PTPRT: variants seen among roughly 807,000 people sequenced by gnomAD.
PTPRT encodes the protein protein tyrosine phosphatase receptor type T.
Under a neutral mutation model 176.8 loss-of-function variants are expected in PTPRT, and 56 were observed. The ratio of observed to expected loss-of-function variants is 0.32; its 90% CI spans 0.26 to 0.40. The LOEUF is 0.40. Among genes scored for constraint, PTPRT ranks in the 10% least tolerant of loss-of-function variants. The pLI is 1.00. For missense variants in PTPRT, 1,540 were observed against 1,908.2 expected, an observed-to-expected ratio of 0.81 and a Z score of 3.60; for synonymous variants, 783 against 739.0, an observed-to-expected ratio of 1.06 and a Z score of -0.96.
At chr20:42,424,492 G>C (rs1422430018) in intron 9 of PTPRT, among the ~76,000 whole-genome samples, 1 of 152,154 alleles carries the variant, frequency 6.6e-6, no homozygotes. Flanking sequence ...ACTTGTCTGA[G>C]GGGGCTCGCT....
chr20:42,133,504 G>A (rs1224153827), intron 18 of PTPRT, among the ~76,000 whole-genome samples: 1 of 152,182 alleles, frequency 6.6e-6, no homozygotes, highest in Admixed American at 6.5e-5. Context: ...TCTAGACACA[G>A]GAGAAAGATC....
At chr20:42,707,960 G>T (rs1324068310) in intron 6 of PTPRT, among the ~76,000 whole-genome samples, 1 of 152,122 alleles carries the variant, frequency 6.6e-6, no homozygotes. Flanking sequence ...ATTTTAAGCT[G>T]CCAAGTTTGT....
intron 4 of PTPRT, among the ~76,000 whole-genome samples, chr20:42,774,272 T>C (rs2077102982): frequency 6.6e-6 from 1 of 152,312 alleles, no homozygotes; most frequent in East Asian, 1.9e-4. Context: ...TAAAGATTTC[T>C]TTATATAAGA....
chr20:42,365,296 T>C (rs963710337), intron 9 of PTPRT, among the ~76,000 whole-genome samples: 2 of 152,212 alleles, frequency 1.3e-5, no homozygotes, highest in African/African-American at 4.8e-5. Flanking sequence ...TCTCAATCAT[T>C]TTTTTCTTTA....
the PTPRT span, among the ~76,000 whole-genome samples, chr20:42,046,247 A>C: frequency 6.6e-6 from 1 of 152,204 alleles, no homozygotes; most frequent in African/African-American, 2.4e-5. Flanking sequence ...GCTTTATTCA[A>C]GGACTCAAGA....
intron 1 of PTPRT, among the ~76,000 whole-genome samples, chr20:43,093,033 G>C (rs1272423692): frequency 6.6e-6 from 1 of 152,214 alleles, no homozygotes. Context: ...GGGATATCAA[G>C]TGCTAATAGT....
chr20:42,686,463 T>G (rs1361755815), intron 6 of PTPRT, among the ~76,000 whole-genome samples: 1 of 18,790 alleles, frequency 5.3e-5, no homozygotes, highest in African/African-American at 6.6e-4. Context: ...CACTCTTTTT[T>G]TTTTTTTTTT....
intron 7 of PTPRT, among the ~76,000 whole-genome samples, chr20:42,581,197 ATC>A (rs1310716637): frequency 6.6e-6 from 1 of 151,842 alleles, no homozygotes; most frequent in African/African-American, 2.4e-5. Flanking sequence ...ACGCGACTAA[ATC>A]TCTCTCATCT....
At chr20:42,364,475 C>T (rs1467617118) in intron 9 of PTPRT, among the ~76,000 whole-genome samples, 5 of 152,022 alleles carry the variant, frequency 3.3e-5, no homozygotes, top group Admixed American at 6.6e-5. Context: ...TTTGTAAAGC[C>T]TATTTTTTTT....
intron 2 of PTPRT, among the ~76,000 whole-genome samples, chr20:42,860,597 CTT>C (rs1031223914): frequency 4.6e-5 from 7 of 152,200 alleles, no homozygotes; most frequent in Admixed American, 1.3e-4. Context: ...CAAATTGTCT[CTT>C]AAGCCAATTC....
intron 5 of PTPRT, among the ~76,000 whole-genome samples, chr20:42,761,433 T>C (rs1473169888): frequency 1.5e-5 from 2 of 136,500 alleles, no homozygotes; most frequent in East Asian, 2.0e-4. Flanking sequence ...AAATTCCATC[T>C]CAAAAAAAAA....
intron 7 of PTPRT, among the ~76,000 whole-genome samples, chr20:42,665,359 C>T (rs1425340329): frequency 6.6e-6 from 1 of 152,152 alleles, no homozygotes; most frequent in African/African-American, 2.4e-5. Flanking sequence ...TCATCACTGG[C>T]CATCAGAGAA....
At chr20:42,128,160 C>T (rs1336440393) in intron 19 of PTPRT, among the ~76,000 whole-genome samples, 1 of 152,114 alleles carries the variant, frequency 6.6e-6, no homozygotes, top group Non-Finnish European at 1.5e-5. Flanking sequence ...ACTAGAGGCC[C>T]CTCTCCCCTC....
At chr20:42,883,605 A>C (rs904353564) in intron 2 of PTPRT, among the ~76,000 whole-genome samples, 15 of 119,000 alleles carry the variant, frequency 1.3e-4, no homozygotes, top group Admixed American at 8.0e-4. Flanking sequence ...CAGAAAGAGC[A>C]TATGTGAATA....
chr20:42,196,986 T>C (rs779594796), intron 16 of PTPRT, among the ~76,000 whole-genome samples: 4 of 152,192 alleles, frequency 2.6e-5, no homozygotes, highest in Non-Finnish European at 5.9e-5. Context: ...AGCTATGTCA[T>C]ATTTTTGCCA....
intron 14 of PTPRT, among the ~76,000 whole-genome samples, chr20:42,246,600 C>T (rs912371109): frequency 2.0e-5 from 3 of 152,154 alleles, no homozygotes; most frequent in Non-Finnish European, 2.9e-5. Context: ...AAGCCTTTTC[C>T]TCCCTCCCAA....
At chr20:42,823,916 A>T (rs1212840104) in intron 2 of PTPRT, among the ~76,000 whole-genome samples, 2 of 152,128 alleles carry the variant, frequency 1.3e-5, no homozygotes, top group African/African-American at 4.8e-5. Context: ...TGATTAAAAA[A>T]AAAAGTTCAG....
chr20:42,834,379 A>G (rs2078145333), intron 2 of PTPRT, among the ~76,000 whole-genome samples: 1 of 152,198 alleles, frequency 6.6e-6, no homozygotes, highest in African/African-American at 2.4e-5. Flanking sequence ...ACTGCAGGTG[A>G]GGACGTGGAA....
chr20:42,547,659 T>C (rs573778540), intron 7 of PTPRT, among the ~76,000 whole-genome samples: 1 of 152,136 alleles, frequency 6.6e-6, no homozygotes, highest in Non-Finnish European at 1.5e-5. Flanking sequence ...GTATACATTT[T>C]TGAGAAACTG....
Sources: allele counts gnomAD v4.1 joint callset (sites outside exome capture counted in the v4.1 genomes callset), GRCh38; gene constraint gnomAD v4.1.1; transcripts MANE v1.5; gene names NCBI Gene and HGNC (gene_info 2026-07-23, HGNC 2026-07-21).